SND1: variants seen among roughly 807,000 people sequenced by gnomAD.
SND1 encodes the protein staphylococcal nuclease and tudor domain containing 1.
In SND1, 38 loss-of-function variants were observed where a neutral mutation model predicts 121.7. The ratio of observed to expected loss-of-function variants is 0.31; its 90% CI spans 0.24 to 0.41. SND1 has a LOEUF of 0.41. Ranked by LOEUF, SND1 falls within the 10% of genes least tolerant of loss-of-function variation. SND1 has a pLI of 1.00. For missense variants in SND1, 868 were observed against 1,184.6 expected, an observed-to-expected ratio of 0.73 and a Z score of 3.92; for synonymous variants, 401 against 447.4, an observed-to-expected ratio of 0.90 and a Z score of 1.31.
At chr7:127,766,853 G>A (rs1041262120) in intron 10 of SND1, among the ~76,000 whole-genome samples, 4 of 145,982 alleles carry the variant, frequency 2.7e-5, no homozygotes, top group Non-Finnish European at 6.0e-5. Flanking sequence ...CCAAAATTTG[G>A]TGCAACTATG....
intron 10 of SND1, among the ~76,000 whole-genome samples, chr7:127,722,736 T>C (rs1216691157): frequency 6.6e-6 from 1 of 152,188 alleles, no homozygotes; most frequent in East Asian, 1.9e-4. Context: ...TGATTGTCTT[T>C]TGAATCAGAT....
At chr7:127,752,775 A>G (rs1005809019) in intron 10 of SND1, among the ~76,000 whole-genome samples, 1 of 152,226 alleles carries the variant, frequency 6.6e-6, no homozygotes, top group Non-Finnish European at 1.5e-5. Flanking sequence ...TCTGAATTTC[A>G]TAAAGTTTTC....
intron 16 of SND1, among the ~76,000 whole-genome samples, chr7:128,064,733 C>T (rs1425505955): frequency 6.6e-6 from 1 of 151,900 alleles, no homozygotes; most frequent in Non-Finnish European, 1.5e-5. Flanking sequence ...CCCTGGGGAA[C>T]GTTCATATTC....
At chr7:127,832,113 G>A (rs1207103878) in intron 11 of SND1, among the ~76,000 whole-genome samples, 1 of 152,200 alleles carries the variant, frequency 6.6e-6, no homozygotes, top group Non-Finnish European at 1.5e-5. Context: ...TTGGTAATAT[G>A]TAGGTGAAAA....
chr7:128,042,835 A>G (rs1690085465), intron 16 of SND1, among the ~76,000 whole-genome samples: 1 of 152,204 alleles, frequency 6.6e-6, no homozygotes. Context: ...TTTTAATGCC[A>G]CTGGAGGAGT....
intron 12 of SND1, among the ~76,000 whole-genome samples, chr7:127,881,868 G>T (rs535636324): frequency 2.0e-5 from 3 of 152,236 alleles, no homozygotes; most frequent in African/African-American, 7.2e-5. Context: ...TGATCTCCTG[G>T]ACGCAAGAGA....
intron 1 of SND1, among the ~76,000 whole-genome samples, chr7:127,654,306 A>G (rs141094332): frequency 6.6e-6 from 1 of 152,350 alleles, no homozygotes; most frequent in East Asian, 1.9e-4. Flanking sequence ...TAACAAGTAG[A>G]TAACGATTAT....
At chr7:127,748,311 T>C (rs1797016653) in intron 10 of SND1, among the ~76,000 whole-genome samples, 1 of 152,220 alleles carries the variant, frequency 6.6e-6, no homozygotes, top group South Asian at 2.1e-4. Context: ...CACTTTTTCC[T>C]AGGATGCTTG....
intron 15 of SND1, among the ~76,000 whole-genome samples, chr7:127,985,748 A>C (rs996326053): frequency 1.3e-5 from 2 of 152,214 alleles, no homozygotes; most frequent in Non-Finnish European, 2.9e-5. Context: ...CAGAGTAGAC[A>C]TTGACAAGCA....
intron 12 of SND1, among the ~76,000 whole-genome samples, chr7:127,859,285 G>T (rs67827668): frequency 0.23 from 34,235 of 152,020 alleles, 4,288 homozygotes; most frequent in Middle Eastern, 0.33. Flanking sequence ...TAATGTCTAC[G>T]TTTTGCAGGG....
Position 127,702,616 on chromosome 7 carries a change from T to C in SND1, c.681+90T>C, listed in dbSNP as rs192184726. The C allele has an allele frequency of 8.8e-5, 91 of 1,036,594 alleles. No individual in the cohort carries two copies. The East Asian group carries it at 1.9e-3, about 22-fold the overall frequency. 64.2% of individuals were successfully genotyped at this position (1,036,594 alleles called of 1,614,324 possible). ...CTACTTGGGGACTTCGGATCTGCTG[T>C]TTCTTCCTAATGTGGGCCATTAACA... On this transcript the variant is annotated intron_variant, in intron 6 of 23. Coordinates refer to ENST00000354725, the MANE Select transcript of SND1 (RefSeq NM_014390.4).
chr7:127,753,802 C>G (rs775946515), intron 10 of SND1, among the ~76,000 whole-genome samples: 1 of 152,130 alleles, frequency 6.6e-6, no homozygotes, highest in African/African-American at 2.4e-5. Context: ...TTTGTCTTTA[C>G]TACTGAACCC....
chr7:127,830,279 G>T (rs1469005000), intron 11 of SND1, among the ~76,000 whole-genome samples: 2 of 151,820 alleles, frequency 1.3e-5, no homozygotes, highest in African/African-American at 4.8e-5. Flanking sequence ...GCTACTCAGG[G>T]GGCTGAGACA....
chr7:128,092,265 G>T lies in SND1; in HGVS notation c.*207G>T. The T allele has an allele frequency of 8.5e-6, 5 of 586,616 alleles. No homozygotes were observed. Among genetic ancestry groups the T allele is most frequent in the Non-Finnish European group, 1.5e-5 (5 of 329,070 alleles). 36.3% of individuals were successfully genotyped at this position (586,616 alleles called of 1,614,324 possible). A position where few individuals can be genotyped will look rare whatever the true frequency, so the allele number is the denominator to read the frequency against. ...GGGGCAGACCCTTGTCCTCTGGGAT[G>T]ATGGGCACTGCTATCCACAGTCTCT... On this transcript the variant is annotated 3_prime_UTR_variant, in exon 24 of 24. Coordinates refer to ENST00000354725, the MANE Select transcript of SND1 (RefSeq NM_014390.4). The surrounding 1 kb of genome is among the most constrained non-coding windows in gnomAD (Gnocchi z 4.9).
At chr7:127,921,853 T>A (rs1800713725) in intron 14 of SND1, among the ~76,000 whole-genome samples, 1 of 152,232 alleles carries the variant, frequency 6.6e-6, no homozygotes, top group South Asian at 2.1e-4. Context: ...TTGTTGCCCA[T>A]GTCTTTTTTA....
chr7:128,057,914 G>T (rs991055258), intron 16 of SND1, among the ~76,000 whole-genome samples: 1 of 152,158 alleles, frequency 6.6e-6, no homozygotes, highest in African/African-American at 2.4e-5. Flanking sequence ...AGTAGGAGGT[G>T]GTGGAAATGA....
intron 15 of SND1, 51 bp downstream of exon 15, chr7:127,929,380 AACCACAT>A: frequency 6.3e-7 from 1 of 1,584,986 alleles, no homozygotes; most frequent in South Asian, 1.1e-5. Context: ...CATCCCTGGA[AACCACAT>A]ACCCTCCTTT....
At chr7:127,857,291 C>T (rs1799294912) in intron 12 of SND1, among the ~76,000 whole-genome samples, 1 of 133,426 alleles carries the variant, frequency 7.5e-6, no homozygotes, top group Non-Finnish European at 1.5e-5. Context: ...CTCCCAGGTT[C>T]ACACCATTCT....
chr7:127,846,995 C>G (rs1336838213), intron 12 of SND1, among the ~76,000 whole-genome samples: 2 of 151,830 alleles, frequency 1.3e-5, no homozygotes, highest in African/African-American at 4.8e-5. Flanking sequence ...TGGCCAGGCG[C>G]GATGGCTCAT....
Sources: gnomAD v4.1 joint callset for allele counts (sites outside exome capture counted in the v4.1 genomes callset) on GRCh38, gnomAD v4.1.1 for gene constraint, Gnocchi (gnomAD v3.1) non-coding constraint, MANE v1.5 for transcripts, NCBI Gene and HGNC (gene_info 2026-07-23, HGNC 2026-07-21) for gene names.